Variants in STX18 observed in about 807,000 individuals in gnomAD.
STX18 encodes syntaxin 18, also known as syntaxin-18.
In STX18, 40 loss-of-function variants were observed where a neutral mutation model predicts 50.1. That is an observed-to-expected ratio of 0.80 (90% CI 0.62 to 1.04). The LOEUF is 1.04. Ranked by LOEUF, STX18 falls within the 50% of genes least tolerant of loss-of-function variation. The pLI, the probability that STX18 is intolerant of heterozygous loss-of-function variation, is 0.00. For missense variants in STX18, 410 were observed against 415.8 expected (o/e 0.99, Z 0.12); for synonymous variants, 158 against 151.8 (o/e 1.04, Z -0.30).
intron 1 of STX18, among the ~76,000 whole-genome samples, chr4:4,521,094 G>A (rs1009912243): frequency 2.6e-5 from 4 of 151,906 alleles, no homozygotes; most frequent in Admixed American, 1.3e-4. Context: ...CCACTCTACA[G>A]CTCTCACTAG....
chr4:4,442,803 TAAAAAAAAA>T (rs71169645), intron 5 of STX18, among the ~76,000 whole-genome samples: 2,091 of 100,630 alleles, frequency 0.021, 71 homozygotes, highest in African/African-American at 0.062. Context: ...ACAAGTTTAT[TAAAAAAAAA>T]AAAAAAAAAG....
intron 1 of STX18, among the ~76,000 whole-genome samples, chr4:4,505,525 A>T (rs1490303271): frequency 6.6e-6 from 1 of 152,162 alleles, no homozygotes; most frequent in Non-Finnish European, 1.5e-5. Context: ...CACGCCTGCA[A>T]TCCCAGCACT....
chr4:4,420,790 C>T lies in STX18; in HGVS notation c.912+74G>A, dbSNP rs937306099. On this transcript the variant is annotated intron_variant, in intron 10 of 10. Transcript: ENST00000306200. The surrounding 1 kb of genome is among the most constrained non-coding windows in gnomAD (Gnocchi z 4.3). Reference sequence around the variant, plus strand: ...CAGCAAGGCTCCTGGGCAGCTGTGCCGGCGAGACTAACACCCGCTGCTGGG... The same window carrying T: ...CAGCAAGGCTCCTGGGCAGCTGTGCTGGCGAGACTAACACCCGCTGCTGGG... 119 of 1,364,358 alleles carry T rather than the reference C, an allele frequency of 8.7e-5. No homozygotes were observed. Among genetic ancestry groups the T allele is most frequent in the Admixed American group, 3.2e-4 (19 of 59,240 alleles). The allele number at this position is 1,364,358 out of a possible 1,614,324, so 84.5% of individuals were successfully genotyped here. A position where few individuals can be genotyped will look rare whatever the true frequency, so the allele number is the denominator to read the frequency against.
At chr4:4,470,400 C>T (rs1727852202) in intron 2 of STX18, among the ~76,000 whole-genome samples, 1 of 152,166 alleles carries the variant, frequency 6.6e-6, no homozygotes, top group Non-Finnish European at 1.5e-5. Flanking sequence ...CTGGGCTAGT[C>T]ATGGACTTTA....
At chr4:4,512,003 T>C (rs1401709412) in intron 1 of STX18, among the ~76,000 whole-genome samples, 1 of 152,002 alleles carries the variant, frequency 6.6e-6, no homozygotes, top group Non-Finnish European at 1.5e-5. Flanking sequence ...CTGGCCTCTT[T>C]CTGCTAGATG....
chr4:4,476,154 A>C (rs1330120670), intron 1 of STX18: 2 of 152,200 alleles, frequency 1.3e-5, no homozygotes, highest in Non-Finnish European at 2.9e-5. Context: ...TCTATCATGG[A>C]AAAGAGTTTT....
At chr4:4,509,715 G>A (rs1057142257) in intron 1 of STX18, among the ~76,000 whole-genome samples, 2 of 152,148 alleles carry the variant, frequency 1.3e-5, no homozygotes, top group African/African-American at 4.8e-5. Context: ...CAAAGTAAGG[G>A]AAATCTAGGA....
chr4:4,443,602 G>GA (rs1352490342), intron 5 of STX18, among the ~76,000 whole-genome samples: 1 of 152,104 alleles, frequency 6.6e-6, no homozygotes, highest in Non-Finnish European at 1.5e-5. Context: ...TACAAGAAGA[G>GA]AAAATTAGAC....
intron 6 of STX18, among the ~76,000 whole-genome samples, chr4:4,436,384 A>G (rs1424185581): frequency 6.6e-6 from 1 of 152,134 alleles, no homozygotes; most frequent in East Asian, 1.9e-4. Flanking sequence ...TTGGGTAGGA[A>G]CATTTGTACT....
chr4:4,487,277 G>C (rs1210336824), intron 1 of STX18, among the ~76,000 whole-genome samples: 1 of 152,214 alleles, frequency 6.6e-6, no homozygotes, highest in Non-Finnish European at 1.5e-5. Context: ...GGGGCCTGCA[G>C]GTGGTGGGGA....
chr4:4,423,860 G>A, intron 8 of STX18: 3 of 487,326 alleles, frequency 6.2e-6, no homozygotes, highest in Non-Finnish European at 3.7e-6. Context: ...GTGGGTGTGT[G>A]CAGTGCCCTT....
chr4:4,497,854 T>C (rs933084179), intron 1 of STX18, among the ~76,000 whole-genome samples: 4 of 152,190 alleles, frequency 2.6e-5, no homozygotes, highest in Admixed American at 2.0e-4. Flanking sequence ...GTATTTAGAA[T>C]AAAATTTGTC....
intron 5 of STX18, among the ~76,000 whole-genome samples, chr4:4,442,991 T>A (rs1401561230): frequency 6.6e-6 from 1 of 152,186 alleles, no homozygotes; most frequent in African/African-American, 2.4e-5. Context: ...ATTTCTTGCC[T>A]ACTGGGACTG....
intron 1 of STX18, among the ~76,000 whole-genome samples, chr4:4,484,271 A>G (rs1331392104): frequency 6.6e-6 from 1 of 152,236 alleles, no homozygotes; most frequent in African/African-American, 2.4e-5. Flanking sequence ...TTTCCAGAAT[A>G]GAATCAATAC....
chr4:4,511,338 T>G (rs1168217290), intron 1 of STX18, among the ~76,000 whole-genome samples: 1 of 152,240 alleles, frequency 6.6e-6, no homozygotes, highest in Non-Finnish European at 1.5e-5. Flanking sequence ...TATCAAGGAC[T>G]TCATATGACA....
intron 1 of STX18, among the ~76,000 whole-genome samples, chr4:4,533,784 T>C (rs935796932): frequency 7.9e-5 from 12 of 152,162 alleles, no homozygotes; most frequent in African/African-American, 2.9e-4. Context: ...GTGAGACACA[T>C]AATAATTGGT....
At chr4:4,467,119 CAGT>C (rs1490948224) in intron 2 of STX18, among the ~76,000 whole-genome samples, 7 of 152,048 alleles carry the variant, frequency 4.6e-5, no homozygotes, top group Admixed American at 6.5e-5. Flanking sequence ...GGTTTTATAG[CAGT>C]AATGTTATCT....
Position 4,502,961 on chromosome 4 carries a change from C to T in STX18, c.169-31255G>A, listed in dbSNP as rs376137054. On this transcript the variant is annotated intron_variant, in intron 1 of 10. Transcript: ENST00000306200. ...GATATAAAAACCTCAAACAAAACAA[C>T]GCTCAGAAATCCTGGGGAAGCTGAG... Among the ~76,000 whole-genome samples, 28 of 152,302 alleles carry T rather than the reference C, an allele frequency of 1.8e-4. No individual in the cohort carries two copies. The South Asian group carries it at 4.1e-3, about 23-fold the overall frequency.
intron 1 of STX18, among the ~76,000 whole-genome samples, chr4:4,525,549 T>C (rs1560209891): frequency 6.6e-6 from 1 of 152,178 alleles, no homozygotes; most frequent in Non-Finnish European, 1.5e-5. Context: ...GGCCAGATGC[T>C]CTGCAAGGCA....
Sources: gnomAD v4.1 joint callset for allele counts (sites outside exome capture counted in the v4.1 genomes callset) on GRCh38, gnomAD v4.1.1 for gene constraint, Gnocchi (gnomAD v3.1) non-coding constraint, MANE v1.5 for transcripts, NCBI Gene and HGNC (gene_info 2026-07-23, HGNC 2026-07-21) for gene names.